The following SLC35F2 variants were observed in gnomAD, a reference collection of about 807,000 sequenced individuals.
SLC35F2 encodes the protein queuine/queuosine transporter SLC35F2.
SLC35F2 carries 25 observed loss-of-function variants against 38.1 expected under a neutral mutation model. The ratio of observed to expected loss-of-function variants is 0.66; its 90% confidence interval spans 0.48 to 0.92. The LOEUF (loss-of-function observed/expected upper bound fraction) is 0.92. Ranked by LOEUF, SLC35F2 falls within the 40% of genes least tolerant of loss-of-function variation. The probability of loss-of-function intolerance (pLI) is 0.00; values close to 1 mark genes in which losing one functional copy is unlikely to be tolerated. For missense variants in SLC35F2, 409 were observed against 452.9 expected (o/e 0.90, Z 0.88); for synonymous variants, 173 against 181.7 (o/e 0.95, Z 0.38).
chr11:107,853,562 C>CA (rs535539382), intron 1 of SLC35F2, among the ~76,000 whole-genome samples: 11 of 150,794 alleles, frequency 7.3e-5, no homozygotes, highest in African/African-American at 1.7e-4. Context: ...ACTAAAAATA[C>CA]AAAAAAAATT....
chr11:107,850,864 T>C (rs533047483), intron 1 of SLC35F2, among the ~76,000 whole-genome samples: 3 of 150,178 alleles, frequency 2.0e-5, no homozygotes, highest in Non-Finnish European at 4.4e-5. Flanking sequence ...AAGGCTGAGG[T>C]TGATTGGGCA....
chr11:107,796,418 T>C (rs1039097285), intron 7 of SLC35F2, among the ~76,000 whole-genome samples: 1 of 152,112 alleles, frequency 6.6e-6, no homozygotes. Flanking sequence ...AAATATGATA[T>C]ATAAACACAA....
In SLC35F2 at chr11:107,804,762, ACAAT is replaced by A. The variant is rs2134773491; in HGVS notation, c.736_739del (p.Ile246TrpfsTer36). ...AATGCTGGCAATATCCTTATATTCCACAATCAATCTAAGATTAAAACAAGAGGTC... is the reference window on the plus strand; with the variant it reads ...AATGCTGGCAATATCCTTATATTCCACAATCTAAGATTAAAACAAGAGGTC... On this transcript the variant is annotated frameshift_variant, in exon 6 of 8. Coordinates refer to ENST00000525815, the MANE Select transcript of SLC35F2 (RefSeq NM_017515.5). LOFTEE classifies it high-confidence loss of function. 1.2e-6 allele frequency: 2 copies of A among 1,606,232 alleles called. No homozygotes were observed. Among genetic ancestry groups the A allele is most frequent in the Non-Finnish European group, 1.7e-6 (2 of 1,177,058 alleles).
intron 1 of SLC35F2, among the ~76,000 whole-genome samples, chr11:107,856,127 G>A (rs1419629212): frequency 2.6e-4 from 36 of 138,476 alleles, no homozygotes; most frequent in African/African-American, 3.3e-4. Flanking sequence ...AAAAAAAGAA[G>A]AAGAAGAAAA....
chr11:107,806,384 A>G (rs1020638386), intron 4 of SLC35F2, among the ~76,000 whole-genome samples: 2 of 152,160 alleles, frequency 1.3e-5, no homozygotes, highest in East Asian at 3.9e-4. Flanking sequence ...TTATACTATC[A>G]ACTATAATTT....
At chr11:107,793,301 G>C (rs1217965543) in intron 7 of SLC35F2, among the ~76,000 whole-genome samples, 1 of 152,176 alleles carries the variant, frequency 6.6e-6, no homozygotes, top group Non-Finnish European at 1.5e-5. Context: ...ATGGGACTCT[G>C]CCAACAGCAC....
chr11:107,806,506 G>A (rs566780949), intron 4 of SLC35F2: 20 of 529,312 alleles, frequency 3.8e-5, no homozygotes, highest in Non-Finnish European at 4.8e-5. Context: ...CCAAGGAGAC[G>A]TTTAACTCAC....
chr11:107,814,314 G>T (rs1859528250), intron 2 of SLC35F2, among the ~76,000 whole-genome samples: 1 of 152,010 alleles, frequency 6.6e-6, no homozygotes, highest in Non-Finnish European at 1.5e-5. Context: ...AATTAGCCAG[G>T]TGTGGTGGCA....
intron 3 of SLC35F2, among the ~76,000 whole-genome samples, chr11:107,807,234 A>G (rs1455437137): frequency 7.3e-6 from 1 of 137,804 alleles, no homozygotes; most frequent in African/African-American, 2.7e-5. Context: ...CAGGAGTTCG[A>G]TATCAGCCTG....
At chr11:107,808,021 T>C (rs1859425098) in intron 3 of SLC35F2, among the ~76,000 whole-genome samples, 1 of 152,212 alleles carries the variant, frequency 6.6e-6, no homozygotes, top group East Asian at 1.9e-4. Context: ...GAGCAAGCTG[T>C]GTCCTTAGGA....
chr11:107,814,285 T>C (rs976471527), intron 2 of SLC35F2, among the ~76,000 whole-genome samples: 1 of 151,778 alleles, frequency 6.6e-6, no homozygotes, highest in East Asian at 1.9e-4. Flanking sequence ...CTGGCCAACA[T>C]CTCCACTAAA....
chr11:107,840,545 G>A (rs1026750441), intron 1 of SLC35F2: 1 of 152,332 alleles, frequency 6.6e-6, no homozygotes, highest in South Asian at 2.1e-4. Flanking sequence ...CACTTGAGGG[G>A]TTTGTTCATT....
chr11:107,850,741 G>C lies in SLC35F2; in HGVS notation c.110+7917C>G, dbSNP rs1258159682. Among the ~76,000 whole-genome samples, 10 of 150,724 alleles carry C rather than the reference G, an allele frequency of 6.6e-5. No individual in the cohort carries two copies. The Admixed American group carries it at 6.6e-4, about 10-fold the overall frequency. ...GGAGGCTGAGGCAAGAGATTCGTTT[G>C]AACCAAGAGGGGGAGGCTGCAGTGA... On this transcript the variant is annotated intron_variant, in intron 1 of 7. Coordinates refer to ENST00000525815, the MANE Select transcript of SLC35F2 (RefSeq NM_017515.5).
chr11:107,848,326 C>T (rs1860128746), intron 1 of SLC35F2, among the ~76,000 whole-genome samples: 1 of 152,164 alleles, frequency 6.6e-6, no homozygotes, highest in African/African-American at 2.4e-5. Flanking sequence ...TGAGCTCTAA[C>T]CAATAAACAG....
At chr11:107,849,765 G>A (rs1265670242) in intron 1 of SLC35F2, among the ~76,000 whole-genome samples, 1 of 152,044 alleles carries the variant, frequency 6.6e-6, no homozygotes, top group East Asian at 1.9e-4. Context: ...GAAGAAAGAA[G>A]CAAACAAAAG....
chr11:107,841,082 C>G (rs1056950421), intron 1 of SLC35F2, among the ~76,000 whole-genome samples: 1 of 152,188 alleles, frequency 6.6e-6, no homozygotes, highest in Non-Finnish European at 1.5e-5. Flanking sequence ...GGCTCAAAAA[C>G]TTTTCAACTT....
chr11:107,842,038 C>A (rs1170889728), intron 1 of SLC35F2, among the ~76,000 whole-genome samples: 1 of 148,940 alleles, frequency 6.7e-6, no homozygotes, highest in Non-Finnish European at 1.5e-5. Context: ...TGCACTCCAG[C>A]CTAGGTGAAA....
intron 1 of SLC35F2, among the ~76,000 whole-genome samples, chr11:107,839,562 T>C (rs1361185555): frequency 6.6e-6 from 1 of 152,182 alleles, no homozygotes; most frequent in Non-Finnish European, 1.5e-5. Context: ...TAATAAGGGG[T>C]GTTCTGATAA....
At chr11:107,838,216 C>A (rs1207442478) in intron 1 of SLC35F2, among the ~76,000 whole-genome samples, 3 of 152,134 alleles carry the variant, frequency 2.0e-5, no homozygotes, top group Non-Finnish European at 4.4e-5. Flanking sequence ...ACACTACTTG[C>A]ATTTATTAGG....
Sources: allele counts gnomAD v4.1 joint callset (sites outside exome capture counted in the v4.1 genomes callset), GRCh38; gene constraint gnomAD v4.1.1; transcripts MANE v1.5; gene names NCBI Gene and HGNC (gene_info 2026-07-23, HGNC 2026-07-21).